Variants in NFKB1 observed in about 807,000 individuals in gnomAD.
NFKB1 encodes nuclear factor NF-kappa-B p105 subunit.
In NFKB1, 9 loss-of-function variants were observed where a neutral mutation model predicts 105.1. The observed-to-expected ratio is 0.09, with a 90% confidence interval of 0.05 to 0.15. The LOEUF (loss-of-function observed/expected upper bound fraction) is 0.15, where lower values mean the gene tolerates loss of function less well. NFKB1 is among the 10% of genes least tolerant of loss of function. The probability of loss-of-function intolerance (pLI) is 1.00; values close to 1 mark genes in which losing one functional copy is unlikely to be tolerated. For missense variants in NFKB1, 830 were observed against 1,203.7 expected (o/e 0.69, Z 4.59); for synonymous variants, 440 against 442.2 (o/e 1.00, Z 0.06).
At chr4:102,577,088 G>A (rs752604471) in intron 7 of NFKB1, 49 bp downstream of exon 7, 1 of 1,558,038 alleles carries the variant, frequency 6.4e-7, no homozygotes, top group Non-Finnish European at 8.7e-7. Context: ...CCAGGCTTTG[G>A]TTTTCATCTG....
intron 6 of NFKB1, 103 bp downstream of exon 6, chr4:102,567,238 C>T: frequency 8.1e-7 from 1 of 1,231,048 alleles, no homozygotes; most frequent in Admixed American, 2.2e-5. Context: ...CTTTCTGAGA[C>T]CCTCAGATGA....
chr4:102,560,983 G>C (rs1237137021), intron 5 of NFKB1, among the ~76,000 whole-genome samples: 2 of 152,150 alleles, frequency 1.3e-5, no homozygotes, highest in African/African-American at 4.8e-5. Context: ...ATCTGTGTAA[G>C]GCCACAGAGC....
chr4:102,579,169 A>G (rs566090160), intron 8 of NFKB1, 130 bp downstream of exon 8: 1 of 878,124 alleles, frequency 1.1e-6, no homozygotes, highest in African/African-American at 1.7e-5. Flanking sequence ...TCATCTGTAA[A>G]ATGTGAATAG....
intron 19 of NFKB1, among the ~76,000 whole-genome samples, chr4:102,610,318 G>A (rs868208971): frequency 6.6e-6 from 1 of 152,228 alleles, no homozygotes; most frequent in African/African-American, 2.4e-5. Context: ...ATGTGAAAGA[G>A]TATTTGAAGT....
chr4:102,538,012 G>A (rs1275595714), intron 5 of NFKB1, 56 bp downstream of exon 5: 6 of 1,087,852 alleles, frequency 5.5e-6, no homozygotes, highest in South Asian at 1.3e-5. Flanking sequence ...GATTTCCTAC[G>A]ATTTCCAAGG....
chr4:102,543,744 T>G (rs1721912670), intron 5 of NFKB1, among the ~76,000 whole-genome samples: 1 of 152,180 alleles, frequency 6.6e-6, no homozygotes, highest in South Asian at 2.1e-4. Flanking sequence ...AATCTCCCTT[T>G]CCTTTGTATA....
chr4:102,568,446 A>G (rs230498), intron 6 of NFKB1, among the ~76,000 whole-genome samples: 101,189 of 151,948 alleles, frequency 0.67, 34,108 homozygotes, highest in Middle Eastern at 0.76. Flanking sequence ...TACCCTTCCA[A>G]TTCCTGATTG....
intron 1 of NFKB1, among the ~76,000 whole-genome samples, chr4:102,506,986 A>G (rs1440309245): frequency 1.3e-5 from 2 of 149,376 alleles, no homozygotes; most frequent in East Asian, 1.9e-4. Flanking sequence ...ACTAATATGT[A>G]TATTAAATAT....
At chr4:102,518,600 G>GATT (rs1740357713) in intron 1 of NFKB1, among the ~76,000 whole-genome samples, 1 of 152,040 alleles carries the variant, frequency 6.6e-6, no homozygotes, top group South Asian at 2.1e-4. Context: ...AAAAAAAGGA[G>GATT]AATCACCACA....
chr4:102,584,115 A>G (rs1454880199), intron 10 of NFKB1, among the ~76,000 whole-genome samples: 1 of 152,178 alleles, frequency 6.6e-6, no homozygotes, highest in African/African-American at 2.4e-5. Flanking sequence ...AGAGAATACC[A>G]CTGTATGCTT....
At chr4:102,592,965 T>A (rs887567968) in intron 11 of NFKB1, among the ~76,000 whole-genome samples, 22 of 152,194 alleles carry the variant, frequency 1.4e-4, no homozygotes, top group Non-Finnish European at 3.2e-4. Context: ...CTTAAAATTA[T>A]GTTGGAGGGT....
At chr4:102,525,008 T>C (rs1041748422) in intron 1 of NFKB1, among the ~76,000 whole-genome samples, 4 of 152,170 alleles carry the variant, frequency 2.6e-5, no homozygotes, top group Non-Finnish European at 5.9e-5. Flanking sequence ...TGGTACACTA[T>C]AGCAGTCCTC....
intron 17 of NFKB1, 57 bp downstream of exon 17, chr4:102,606,754 A>G (rs1727783189): frequency 6.6e-7 from 1 of 1,525,734 alleles, no homozygotes; most frequent in Non-Finnish European, 9.0e-7. Flanking sequence ...AATATCTACT[A>G]GGTATTTGAT....
intron 17 of NFKB1, 105 bp from the exon 18 acceptor site, chr4:102,607,045 T>C (rs1727818223): frequency 6.4e-6 from 7 of 1,085,892 alleles, no homozygotes; most frequent in Non-Finnish European, 1.0e-5. Context: ...GTATCTTTAC[T>C]GTCCCTCCCC....
In NFKB1 at chr4:102,617,005, G is replaced by C. The variant is rs1728996016; in HGVS notation, c.*411G>C. ...ATTTTGCATTCAAATTAAGGGTTAA[G>C]AAAAGAGATATTTTAAAATGAGAGT... On this transcript the variant is annotated 3_prime_UTR_variant, in exon 24 of 24. Coordinates refer to ENST00000226574, the MANE Select transcript of NFKB1 (RefSeq NM_003998.4). 7.4e-6 allele frequency: 1 copy of C among 134,926 alleles called. No individual in the cohort carries two copies. Among genetic ancestry groups the C allele is most frequent in the East Asian group, 2.2e-4 (1 of 4,592 alleles). The allele number at this position is 134,926 out of a possible 1,614,324, so 8.4% of individuals were successfully genotyped here.
intron 4 of NFKB1, among the ~76,000 whole-genome samples, chr4:102,537,300 A>G (rs889106532): frequency 2.0e-5 from 3 of 152,202 alleles, no homozygotes; most frequent in African/African-American, 7.2e-5. Context: ...AAAAACAAAA[A>G]TCTTATCCTC....
At chr4:102,509,788 C>T (rs1283665543) in intron 1 of NFKB1, among the ~76,000 whole-genome samples, 2 of 152,188 alleles carry the variant, frequency 1.3e-5, no homozygotes, top group Non-Finnish European at 2.9e-5. Flanking sequence ...GCCTCCTCAT[C>T]TCCAGAATCC....
chr4:102,577,984 G>C, intron 7 of NFKB1: 1 of 985,398 alleles, frequency 1.0e-6, no homozygotes, highest in Non-Finnish European at 1.2e-6. Context: ...CTGTAAGTTG[G>C]CTTTTTGGAT....
intron 6 of NFKB1, among the ~76,000 whole-genome samples, chr4:102,567,641 TAAG>T (rs1723987937): frequency 6.6e-6 from 1 of 152,166 alleles, no homozygotes; most frequent in Non-Finnish European, 1.5e-5. Flanking sequence ...AATGCACAGA[TAAG>T]AAGCCAAGGA....
Sources: gnomAD v4.1 joint callset for allele counts (sites outside exome capture counted in the v4.1 genomes callset) on GRCh38, gnomAD v4.1.1 for gene constraint, MANE v1.5 for transcripts, NCBI Gene and HGNC (gene_info 2026-07-23, HGNC 2026-07-21) for gene names.